PTH2R: variants seen among roughly 807,000 people sequenced by gnomAD.
The protein encoded by PTH2R is PTH2 receptor.
A neutral mutation model predicts 60.3 loss-of-function variants in PTH2R; 59 were observed. That is an observed-to-expected ratio of 0.98 (90% CI 0.79 to 1.22). The LOEUF (loss-of-function observed/expected upper bound fraction) is 1.22. Among genes scored for constraint, PTH2R ranks in the 50% most tolerant of loss-of-function variants. The pLI is 0.00. For synonymous variants in PTH2R, 256 were observed against 243.8 expected (o/e 1.05, Z -0.47); for missense variants, 749 against 682.6 (o/e 1.10, Z -1.08).
chr2:208,394,910 G>A (rs1256997414), intron 1 of PTH2R, among the ~76,000 whole-genome samples: 1 of 152,074 alleles, frequency 6.6e-6, no homozygotes, highest in Non-Finnish European at 1.5e-5. Context: ...TTAAAGGAAC[G>A]CAGGAACTGA....
chr2:208,480,411 A>T (rs1229652561), intron 9 of PTH2R, among the ~76,000 whole-genome samples: 1 of 152,098 alleles, frequency 6.6e-6, no homozygotes. Context: ...CTTCATCTTC[A>T]TCTGGAATGT....
intron 2 of PTH2R, among the ~76,000 whole-genome samples, chr2:208,434,333 T>C (rs1702031363): frequency 6.6e-6 from 1 of 152,104 alleles, no homozygotes; most frequent in African/African-American, 2.4e-5. Flanking sequence ...CTATGTGAGA[T>C]TCATGGCTTC....
At chr2:208,367,424 C>CTTTT (rs141555131) in intron 1 of PTH2R, among the ~76,000 whole-genome samples, 14 of 128,994 alleles carry the variant, frequency 1.1e-4, no homozygotes, top group Non-Finnish European at 1.8e-4. Flanking sequence ...TTTTCTCTTT[C>CTTTT]TTTTTTTTTT....
rs553408325 is a variant in PTH2R at position 208,468,831 on chromosome 2, A to AT, written c.981+8878dup. On this transcript the variant is annotated intron_variant, in intron 9 of 12. Coordinates refer to ENST00000272847, the MANE Select transcript of PTH2R (RefSeq NM_005048.4). ...TGCAAGGTTTATGTAAACAAGAACC[A>AT]TTTTTTTTCTAAACTTATGATACCT... is the stretch of plus-strand genomic sequence containing the variant. 3.9e-3 allele frequency among the ~76,000 whole-genome samples: 598 copies of AT among 152,018 alleles called. 5 individuals carry two copies. The highest frequency in any genetic ancestry group is 0.013 in the African/African-American group (552 of 41,450).
intron 9 of PTH2R, among the ~76,000 whole-genome samples, chr2:208,464,644 G>A (rs1559228060): frequency 1.3e-5 from 2 of 152,170 alleles, no homozygotes; most frequent in Non-Finnish European, 2.9e-5. Flanking sequence ...TCTGTTGAAT[G>A]TGCAGGCTGA....
In PTH2R at chr2:208,450,734, AT is replaced by A. The variant is rs1276117611; in HGVS notation, c.854-11del. 21 of 1,613,076 alleles carry A rather than the reference AT, an allele frequency of 1.3e-5. No individual in the cohort carries two copies. Among genetic ancestry groups the A allele is most frequent in the Non-Finnish European group, 1.6e-5 (19 of 1,179,246 alleles). ...TTAAAATAAATCTAGTCTCTGAATCATTTTCTGATTTCAGGGTTTCCAGCAG... is the reference window on the plus strand; with the variant it reads ...TTAAAATAAATCTAGTCTCTGAATCATTTCTGATTTCAGGGTTTCCAGCAG... On this transcript the variant is annotated splice_polypyrimidine_tract_variant and intron_variant, in intron 7 of 12. Coordinates refer to ENST00000272847, the MANE Select transcript of PTH2R (RefSeq NM_005048.4).
chr2:208,492,536 A>G (rs62193700), intron 12 of PTH2R, among the ~76,000 whole-genome samples: 192 of 152,292 alleles, frequency 1.3e-3, no homozygotes, highest in South Asian at 5.6e-3. Flanking sequence ...GCAGTTATTT[A>G]AGATAGAATT....
chr2:208,475,588 G>T (rs1003276087), intron 9 of PTH2R, among the ~76,000 whole-genome samples: 2 of 152,226 alleles, frequency 1.3e-5, no homozygotes, highest in South Asian at 2.1e-4. Context: ...GCATTTTGGG[G>T]ATATCTTGTC....
intron 2 of PTH2R, 79 bp downstream of exon 2, chr2:208,428,382 A>G: frequency 1.0e-6 from 1 of 958,428 alleles, no homozygotes; most frequent in African/African-American, 1.6e-5. Context: ...CTCCTTCTTT[A>G]GTGTTAGGGA....
intron 1 of PTH2R, among the ~76,000 whole-genome samples, chr2:208,378,887 G>T (rs1188231928): frequency 6.6e-6 from 1 of 152,120 alleles, no homozygotes; most frequent in African/African-American, 2.4e-5. Context: ...CGGTTTACTT[G>T]TGTTAGATAT....
intron 1 of PTH2R, among the ~76,000 whole-genome samples, chr2:208,425,883 C>T (rs1574861613): frequency 1.3e-5 from 2 of 152,160 alleles, no homozygotes; most frequent in African/African-American, 4.8e-5. Flanking sequence ...AATTTACCAC[C>T]ATGTTGTCTT....
At chr2:208,464,285 T>G (rs1225682874) in intron 9 of PTH2R, among the ~76,000 whole-genome samples, 6 of 152,234 alleles carry the variant, frequency 3.9e-5, no homozygotes, top group Non-Finnish European at 8.8e-5. Context: ...GTCCTGTTAT[T>G]AAATGCAATA....
chr2:208,422,449 C>G (rs1028279346), intron 1 of PTH2R, among the ~76,000 whole-genome samples: 3 of 152,116 alleles, frequency 2.0e-5, no homozygotes, highest in African/African-American at 7.2e-5. Flanking sequence ...TCAAGTAAAA[C>G]TTAATATATA....
chr2:208,493,289 G>A lies in PTH2R; in HGVS notation c.1283G>A (p.Trp428Ter). The A allele has an allele frequency of 6.6e-7, 1 of 1,517,188 alleles. No homozygotes were observed. Among genetic ancestry groups the A allele is most frequent in the East Asian group, 2.3e-5 (1 of 43,496 alleles). The allele number at this position is 1,517,188 out of a possible 1,614,324, so 94.0% of individuals were successfully genotyped here. The change falls in exon 13 of 13, where the codon TGG (tryptophan) becomes TAG (stop). Residue 428 changes from tryptophan to a stop codon, truncating the protein, a stop_gained. Transcript: ENST00000272847. LOFTEE classifies it low-confidence loss of function (END_TRUNC). ...GTTCAGGCAGAGGTGAAGAAGATGT[G>A]GAGTCGGTGGAACCTCTCCGTGGAC... ...GEVQAEVKKMWSRWNLSVDWK... is the reference protein window; with the variant it reads ...GEVQAEVKKM
At chr2:208,388,134 C>CCA (rs1553540988) in intron 1 of PTH2R, among the ~76,000 whole-genome samples, 1 of 110,402 alleles carries the variant, frequency 9.1e-6, no homozygotes, top group Non-Finnish European at 1.9e-5. Flanking sequence ...ATGGTGAAAC[C>CCA]CCCCCCCCCG....
intron 2 of PTH2R, among the ~76,000 whole-genome samples, chr2:208,430,546 C>CTT (rs760898660): frequency 0.011 from 1,310 of 118,176 alleles, 36 homozygotes; most frequent in African/African-American, 0.036. Flanking sequence ...TGTCTGGCTT[C>CTT]TTTTTTTTTT....
chr2:208,368,343 G>C (rs904566053), intron 1 of PTH2R, among the ~76,000 whole-genome samples: 1 of 152,118 alleles, frequency 6.6e-6, no homozygotes, highest in Non-Finnish European at 1.5e-5. Context: ...CTCATGTTAA[G>C]TAGCATCAGG....
intron 1 of PTH2R, among the ~76,000 whole-genome samples, chr2:208,375,963 GT>G (rs1306224611): frequency 2.0e-5 from 3 of 152,054 alleles, no homozygotes; most frequent in African/African-American, 7.3e-5. Flanking sequence ...AATAGGAAGA[GT>G]TTTCTAGCTC....
chr2:208,460,092 G>A, intron 9 of PTH2R, 131 bp downstream of exon 9: 1 of 724,238 alleles, frequency 1.4e-6, no homozygotes, highest in Non-Finnish European at 2.3e-6. Context: ...AACATCTATT[G>A]GGAGAGTCTG....
Sources: allele counts gnomAD v4.1 joint callset (sites outside exome capture counted in the v4.1 genomes callset), GRCh38; gene constraint gnomAD v4.1.1; transcripts MANE v1.5; gene names NCBI Gene and HGNC (gene_info 2026-07-23, HGNC 2026-07-21).